Variants in LYN observed in about 807,000 individuals in gnomAD.
LYN encodes the protein LYN proto-oncogene, Src family tyrosine kinase.
In LYN, 12 loss-of-function variants were observed where a neutral mutation model predicts 65.0. The observed-to-expected ratio is 0.18, with a 90% CI of 0.12 to 0.30. The LOEUF (loss-of-function observed/expected upper bound fraction) is 0.30. Among genes scored for constraint, LYN ranks in the 10% least tolerant of loss-of-function variants. The pLI is 1.00. For synonymous variants in LYN, 222 were observed against 221.2 expected, an observed-to-expected ratio of 1.00 and a Z score of -0.03; for missense variants, 380 against 623.2, an observed-to-expected ratio of 0.61 and a Z score of 4.16.
intron 1 of LYN, among the ~76,000 whole-genome samples, chr8:55,890,699 A>G (rs972537873): frequency 1.3e-5 from 2 of 151,678 alleles, no homozygotes; most frequent in African/African-American, 4.8e-5. Context: ...AATGGATGAA[A>G]TAAAATGTGG....
Position 56,012,960 on chromosome 8 carries a change from A to C in LYN, c.*2850A>C, listed in dbSNP as rs1808856705. 6.6e-6 allele frequency: 1 copy of C among 152,170 alleles called. No individual in the cohort carries two copies. The highest frequency in any genetic ancestry group is 1.5e-5 in the Non-Finnish European group (1 of 68,024). The allele number at this position is 152,170 out of a possible 1,614,324, so 9.4% of individuals were successfully genotyped here. A position where few individuals can be genotyped will look rare whatever the true frequency, so the allele number is the denominator to read the frequency against. ...TCACAGGCTAGAAACCAGTGTCCTT[A>C]GTAGTAGGGGCCACCTGGGGCTTCC... On this transcript the variant is annotated 3_prime_UTR_variant, in exon 13 of 13. Transcript: ENST00000519728.
rs188689732 is a variant in LYN, at chr8:55,934,787, C to A, written c.-5-7068C>A. On this transcript the variant is annotated intron_variant, in intron 1 of 12. Transcript: ENST00000519728. ...TAAACCCACTTCCCACCTCACCCCC[C>A]TTTCCCAATTGACCCTCAATAGTCA... Among the ~76,000 whole-genome samples, 3 of 152,234 alleles carry A rather than the reference C, an allele frequency of 2.0e-5. No individual in the cohort carries two copies. The South Asian group carries it at 6.2e-4, about 32-fold the overall frequency.
At chr8:55,944,927 G>A (rs1474368196) in intron 2 of LYN, among the ~76,000 whole-genome samples, 5 of 152,162 alleles carry the variant, frequency 3.3e-5, no homozygotes, top group African/African-American at 7.2e-5. Flanking sequence ...TAGTAAACAC[G>A]CTTGAAGTCT....
intron 10 of LYN, among the ~76,000 whole-genome samples, chr8:55,984,645 G>A (rs1329084626): frequency 2.0e-5 from 3 of 152,186 alleles, no homozygotes; most frequent in Non-Finnish European, 4.4e-5. Flanking sequence ...TAATCTAGGA[G>A]CTGGCTCTCT....
At chr8:55,909,044 CA>C (rs1563504959) in intron 1 of LYN, among the ~76,000 whole-genome samples, 5,613 of 72,890 alleles carry the variant, frequency 0.077, 666 homozygotes, top group East Asian at 0.18. Context: ...CACACACACA[CA>C]CACACACCCC....
At chr8:55,924,208 G>A (rs1374918575) in intron 1 of LYN, among the ~76,000 whole-genome samples, 1 of 151,974 alleles carries the variant, frequency 6.6e-6, no homozygotes, top group Non-Finnish European at 1.5e-5. Flanking sequence ...ATGTCATTGT[G>A]TTTCCCTTGA....
At chr8:55,990,239 C>CAA (rs34461698) in intron 10 of LYN, among the ~76,000 whole-genome samples, 2,341 of 44,644 alleles carry the variant, frequency 0.052, 119 homozygotes, top group African/African-American at 0.1. Context: ...ACTCTGCCTC[C>CAA]AAAAAAAAAA....
chr8:56,001,840 G>A (rs527832627), intron 12 of LYN, among the ~76,000 whole-genome samples: 1 of 152,204 alleles, frequency 6.6e-6, no homozygotes, highest in Non-Finnish European at 1.5e-5. Flanking sequence ...GTGCTACCAT[G>A]GCCCCTGAGG....
chr8:55,889,939 G>A (rs1381411235), intron 1 of LYN, among the ~76,000 whole-genome samples: 1 of 152,000 alleles, frequency 6.6e-6, no homozygotes, highest in African/African-American at 2.4e-5. Flanking sequence ...CTAGCCACAA[G>A]TGAAGCACAT....
intron 10 of LYN, among the ~76,000 whole-genome samples, chr8:55,997,079 T>C (rs1228371614): frequency 6.6e-6 from 1 of 151,126 alleles, no homozygotes; most frequent in Non-Finnish European, 1.5e-5. Context: ...GAGAATCACT[T>C]GAACCTAGGA....
intron 1 of LYN, among the ~76,000 whole-genome samples, chr8:55,928,782 T>C (rs1243486986): frequency 6.6e-6 from 1 of 152,156 alleles, no homozygotes; most frequent in Admixed American, 6.5e-5. Flanking sequence ...CATTTTTTCT[T>C]TCATGGATCA....
Position 55,935,261 on chromosome 8 carries a change from T to C in LYN, c.-5-6594T>C, listed in dbSNP as rs1008454062. Among the ~76,000 whole-genome samples, 7 of 152,328 alleles carry C rather than the reference T, an allele frequency of 4.6e-5. No homozygotes were observed. The East Asian group carries it at 7.7e-4, about 17-fold the overall frequency. The stretch of plus-strand genomic sequence containing the variant: ...TGAAAAAGCCTTAAGTAGGGCCTTA[T>C]GTTGCAGGCTGGTCAGATAGAGAAA... On this transcript the variant is annotated intron_variant, in intron 1 of 12. Transcript: ENST00000519728.
chr8:55,895,880 T>A (rs1805082757), intron 1 of LYN: 1 of 152,134 alleles, frequency 6.6e-6, no homozygotes, highest in Non-Finnish European at 1.5e-5. Flanking sequence ...GAGCCTTTTC[T>A]TGATTTTGGA....
chr8:55,912,414 T>C lies in LYN; in HGVS notation c.-5-29441T>C, dbSNP rs116070406. On this transcript the variant is annotated intron_variant, in intron 1 of 12. Coordinates refer to ENST00000519728, the MANE Select transcript of LYN (RefSeq NM_002350.4). ...TACCATGCCTGCGCTTAAGTAGTTTTTGAAATTTTAACCCAAATAAGAAAT... is the reference window on the plus strand; with the variant it reads ...TACCATGCCTGCGCTTAAGTAGTTTCTGAAATTTTAACCCAAATAAGAAAT... Among the ~76,000 whole-genome samples the C allele has an allele frequency of 3.3e-3, 505 of 152,324 alleles. 3 individuals carry two copies. Among genetic ancestry groups the C allele is most frequent in the African/African-American group, 0.011 (466 of 41,566 alleles).
chr8:55,885,049 T>TCGG (rs1804754816), intron 1 of LYN, among the ~76,000 whole-genome samples: 1 of 152,188 alleles, frequency 6.6e-6, no homozygotes, highest in Non-Finnish European at 1.5e-5. Flanking sequence ...TACCCCTTCT[T>TCGG]CTGCTCTCCC....
rs774023464 is a variant in LYN, at chr8:55,999,598, G to T, written c.1336+49G>T. ...AATCAAGCTGTATAAATGAGAAAAA[G>T]TCAGGTTGCATGAAGGCATTAAAAA... On this transcript the variant is annotated intron_variant, in intron 12 of 12. Coordinates refer to ENST00000519728, the MANE Select transcript of LYN (RefSeq NM_002350.4). 1.9e-6 allele frequency: 3 copies of T among 1,583,582 alleles called. 1 individual carries two copies. In the Middle Eastern group the frequency reaches 5.0e-4, roughly 264 times the overall value.
chr8:55,937,541 A>G (rs2100245), intron 1 of LYN, among the ~76,000 whole-genome samples: 44,315 of 152,138 alleles, frequency 0.29, 8,508 homozygotes, highest in African/African-American at 0.55. Context: ...GAACATCCTT[A>G]TGCCCCTGTG....
intron 8 of LYN, 117 bp downstream of exon 8, chr8:55,954,101 T>C: frequency 6.9e-6 from 8 of 1,152,258 alleles, no homozygotes; most frequent in Non-Finnish European, 1.0e-5. Flanking sequence ...AGAAGCATCA[T>C]TTATTTTGTT....
chr8:55,996,543 C>G (rs1469717712), intron 10 of LYN, among the ~76,000 whole-genome samples: 1 of 152,128 alleles, frequency 6.6e-6, no homozygotes, highest in East Asian at 1.9e-4. Flanking sequence ...ACTTCTTGCC[C>G]TTTTTCTTGC....
Sources: allele counts gnomAD v4.1 joint callset (sites outside exome capture counted in the v4.1 genomes callset), GRCh38; gene constraint gnomAD v4.1.1; transcripts MANE v1.5; gene names NCBI Gene and HGNC (gene_info 2026-07-23, HGNC 2026-07-21).